Variants in THADA observed in about 807,000 individuals in gnomAD.
THADA encodes THADA armadillo repeat containing.
THADA carries 213 observed loss-of-function variants against 219.8 expected under a neutral mutation model. That is an observed-to-expected ratio of 0.97 (90% CI 0.87 to 1.09). The LOEUF is 1.09. THADA is among the 50% of genes least tolerant of loss of function. The pLI is 0.00. For missense variants in THADA, 2,956 were observed against 2,311.3 expected (o/e 1.28, Z -5.72); for synonymous variants, 1,018 against 828.9 (o/e 1.23, Z -3.92).
At chr2:43,430,363 C>T (rs1010536701) in intron 26 of THADA, 61 bp from the exon 27 acceptor site, 19 of 918,204 alleles carry the variant, frequency 2.1e-5, no homozygotes, top group Admixed American at 1.2e-4. Flanking sequence ...ACAATAAAGC[C>T]TTTTTTTTAA....
intron 26 of THADA, among the ~76,000 whole-genome samples, chr2:43,459,929 G>A (rs1213363924): frequency 2.0e-5 from 3 of 152,066 alleles, no homozygotes; most frequent in East Asian, 1.9e-4. Flanking sequence ...AGTTCAGCAC[G>A]GAAGTCTCAA....
Position 43,292,182 on chromosome 2 carries a change from A to G in THADA, c.4859T>C (p.Leu1620Pro), listed in dbSNP as rs2104368046. ...ATGGACACAGTGCTCCGTCTGGGGA[A>G]GCCACTCACCAGGGTCCATGCAGTG... Reference protein sequence around the residue: ...ILHCMDPGEWLPQTEHCVHLT... With the variant: ...ILHCMDPGEWPPQTEHCVHLT... Residue 1620 changes from leucine (L) to proline (P), a missense_variant, in exon 33 of 38, where the codon CTT becomes CCT. Transcript: ENST00000405975. 1 of 1,612,350 alleles carries G rather than the reference A, an allele frequency of 6.2e-7. No homozygotes were observed. The highest frequency in any genetic ancestry group is 2.2e-5 in the East Asian group (1 of 44,862).
intron 31 of THADA, among the ~76,000 whole-genome samples, chr2:43,310,227 C>CG (rs760517670): frequency 6.7e-5 from 3 of 44,954 alleles, no homozygotes; most frequent in South Asian, 1.3e-3. Context: ...CCCTTTCCCG[C>CG]CCCCCCCCCA....
At chr2:43,279,382 T>G (rs1016132387) in intron 36 of THADA, among the ~76,000 whole-genome samples, 2 of 152,362 alleles carry the variant, frequency 1.3e-5, no homozygotes, top group Non-Finnish European at 2.9e-5. Flanking sequence ...TTGTGATTCC[T>G]GAGTTATGGA....
At chr2:43,453,890 C>T (rs1268169545) in intron 26 of THADA, among the ~76,000 whole-genome samples, 3 of 152,174 alleles carry the variant, frequency 2.0e-5, no homozygotes, top group African/African-American at 4.8e-5. Flanking sequence ...ACATAGCATG[C>T]ACTTTCTACA....
chr2:43,586,784 A>C (rs753420927), intron 5 of THADA, 50 bp from the exon 6 acceptor site: 9 of 1,610,458 alleles, frequency 5.6e-6, no homozygotes, highest in Non-Finnish European at 7.6e-6. Flanking sequence ...ACCAAAATCA[A>C]TGTCATTTAA....
At chr2:43,455,938 A>G (rs1298028791) in intron 26 of THADA, among the ~76,000 whole-genome samples, 1 of 152,108 alleles carries the variant, frequency 6.6e-6, no homozygotes, top group Non-Finnish European at 1.5e-5. Flanking sequence ...GCTCTTTTTG[A>G]CTTTATGACC....
At chr2:43,544,983 G>A (rs1695830477) in intron 20 of THADA, among the ~76,000 whole-genome samples, 1 of 151,974 alleles carries the variant, frequency 6.6e-6, no homozygotes, top group African/African-American at 2.4e-5. Flanking sequence ...TCCAGTTTTC[G>A]CCCATTCAGT....
chr2:43,517,517 AAC>A (rs899073810), intron 22 of THADA, among the ~76,000 whole-genome samples: 1 of 152,152 alleles, frequency 6.6e-6, no homozygotes, highest in Non-Finnish European at 1.5e-5. Flanking sequence ...CTTTCCCATA[AAC>A]ACAGACTTTC....
At chr2:43,273,272 A>G (rs1672340940) in intron 36 of THADA, among the ~76,000 whole-genome samples, 4 of 147,780 alleles carry the variant, frequency 2.7e-5, no homozygotes, top group African/African-American at 9.9e-5. Flanking sequence ...AACAACAACA[A>G]AAAAAAAAAA....
At chr2:43,514,653 TATTGTATATAATAA>T (rs1691001691) in intron 22 of THADA, among the ~76,000 whole-genome samples, 1 of 93,282 alleles carries the variant, frequency 1.1e-5, no homozygotes, top group South Asian at 2.8e-4. Flanking sequence ...ATAATATATA[TATTGTATATAATAA>T]TATATAATAT....
At chr2:43,558,426 CTGTG>C (rs1397555032) in intron 16 of THADA, among the ~76,000 whole-genome samples, 15 of 152,162 alleles carry the variant, frequency 9.9e-5, no homozygotes, top group African/African-American at 3.6e-4. Context: ...AGTATTGTTC[CTGTG>C]TGTGTCTGTG....
In THADA at chr2:43,308,850, T is replaced by C. The variant is rs113336868; in HGVS notation, c.4438+11596A>G. On this transcript the variant is annotated intron_variant, in intron 31 of 37. Coordinates refer to ENST00000405975, the MANE Select transcript of THADA (RefSeq NM_022065.5). ...TGAGATAGACTACAGATCTAAATGT[T>C]AAATGCAAAACTACAAAACTTTAGA... Among the ~76,000 whole-genome samples the C allele has an allele frequency of 3.3e-3, 505 of 151,602 alleles. 2 individuals are homozygous for C. Among genetic ancestry groups the C allele is most frequent in the African/African-American group, 0.012 (495 of 41,290 alleles).
intron 26 of THADA, among the ~76,000 whole-genome samples, chr2:43,436,516 A>G (rs935106399): frequency 6.6e-6 from 1 of 152,154 alleles, no homozygotes; most frequent in Non-Finnish European, 1.5e-5. Flanking sequence ...ATCAGAAACT[A>G]TATGTTATGG....
chr2:43,514,693 ATATATATAATATATATATAAATATATAT>A (rs1691036462), intron 22 of THADA, among the ~76,000 whole-genome samples: 1 of 70,602 alleles, frequency 1.4e-5, no homozygotes, highest in Admixed American at 2.1e-4. Flanking sequence ...ATTATATATA[ATATATATAATATATATATAAATATATAT>A]TATATATAAT....
intron 34 of THADA, among the ~76,000 whole-genome samples, chr2:43,289,401 G>A (rs1391541746): frequency 6.6e-6 from 1 of 152,132 alleles, no homozygotes; most frequent in East Asian, 1.9e-4. Flanking sequence ...GAGTATTTTA[G>A]ACCTTGAGGA....
At chr2:43,350,597 T>A (rs981309225) in intron 29 of THADA, among the ~76,000 whole-genome samples, 3 of 152,382 alleles carry the variant, frequency 2.0e-5, no homozygotes, top group South Asian at 2.1e-4. Flanking sequence ...ACTTATATCA[T>A]CTGTTCAGAG....
intron 4 of THADA, 105 bp downstream of exon 4, chr2:43,590,719 G>T: frequency 3.2e-5 from 33 of 1,029,100 alleles, no homozygotes; most frequent in Admixed American, 5.3e-5. Context: ...TGAACTTTTT[G>T]TGATCTGTAT....
chr2:43,574,582 T>C lies in THADA; in HGVS notation c.1483A>G (p.Ser495Gly). 6.2e-7 allele frequency: 1 copy of C among 1,613,986 alleles called. No homozygotes were observed. The highest frequency in any genetic ancestry group is 1.1e-5 in the South Asian group (1 of 91,078). ...CTAAACATGGTTTCCAAGAGGTCACTTGCATAAGGTACCAATGACTGGTCT... is the reference window on the plus strand; with the variant it reads ...CTAAACATGGTTTCCAAGAGGTCACCTGCATAAGGTACCAATGACTGGTCT... ...MGDQSLVPYASDLLETMFRNH... is the reference protein window; with the variant it reads ...MGDQSLVPYAGDLLETMFRNH... The change falls in exon 11 of 38, where the codon AGT becomes GGT. Residue 495 changes from serine to glycine, a missense_variant. Physicochemically the swap from Ser to Gly is moderately conservative, Grantham distance 56 (BLOSUM62 0). Coordinates refer to ENST00000405975, the MANE Select transcript of THADA (RefSeq NM_022065.5).
Sources: allele counts gnomAD v4.1 joint callset (sites outside exome capture counted in the v4.1 genomes callset), GRCh38; gene constraint gnomAD v4.1.1; transcripts MANE v1.5; gene names NCBI Gene and HGNC (gene_info 2026-07-23, HGNC 2026-07-21).